Variants in AKNA observed in about 807,000 individuals in gnomAD.
The protein encoded by AKNA is microtubule organization protein AKNA.
In AKNA, 67 loss-of-function variants were observed where a neutral mutation model predicts 138.8. The ratio of observed to expected loss-of-function variants is 0.48; its 90% CI spans 0.40 to 0.59. The LOEUF (loss-of-function observed/expected upper bound fraction) is 0.59. Ranked by LOEUF, AKNA falls within the 20% of genes least tolerant of loss-of-function variation. AKNA has a pLI of 0.00. For missense variants in AKNA, 1,813 were observed against 1,880.4 expected, an observed-to-expected ratio of 0.96 and a Z score of 0.66; for synonymous variants, 737 against 754.4, an observed-to-expected ratio of 0.98 and a Z score of 0.38.
chr9:114,394,733 C>T (rs541194436), upstream of AKNA, among the ~76,000 whole-genome samples: 7 of 152,340 alleles, frequency 4.6e-5, no homozygotes, highest in South Asian at 1.2e-3. Context: ...CAAAGTCACA[C>T]AGCATGTTAA....
rs534785370 is a variant in AKNA at position 114,365,810 on chromosome 9, G to A, written c.1729-1191C>T. ...CCACAGCACGTCTCAATTCAGAGCA[G>A]CCCATGTCAAGTACTCAACAGTCAC... On this transcript the variant is annotated intron_variant, in intron 6 of 21. Coordinates refer to ENST00000374088, the MANE Select transcript of AKNA (RefSeq NM_001317950.2). Among the ~76,000 whole-genome samples, 20 of 152,328 alleles carry A rather than the reference G, an allele frequency of 1.3e-4. No individual in the cohort carries two copies. In the South Asian group the frequency reaches 4.1e-3, roughly 32 times the overall value.
In AKNA at chr9:114,362,377, C is replaced by G. The variant is rs779741260; in HGVS notation, c.1916+29G>C. 2.5e-6 allele frequency: 4 copies of G among 1,597,292 alleles called. No homozygotes were observed. In the Admixed American group the frequency reaches 6.8e-5, roughly 27 times the overall value. On this transcript the variant is annotated intron_variant, in intron 8 of 21. Transcript: ENST00000374088. ...GACCCCAGGGGCCCATCCCATCTGT[C>G]CTTCCAGGCCTTCCACCCCAGCAGG...
chr9:114,362,641 G>A (rs1436984369), intron 7 of AKNA, 108 bp from the exon 8 acceptor site: 6 of 1,383,280 alleles, frequency 4.3e-6, no homozygotes, highest in Admixed American at 2.7e-5. Flanking sequence ...GATGCACCTG[G>A]GCCCCTGGGT....
intron 1 of AKNA, among the ~76,000 whole-genome samples, chr9:114,387,210 CTG>C: frequency 6.6e-6 from 1 of 152,312 alleles, no homozygotes; most frequent in East Asian, 1.9e-4. Context: ...CACAGACTTG[CTG>C]TTCTCAAGGG....
chr9:114,341,167 A>T (rs1218905787), intron 21 of AKNA, among the ~76,000 whole-genome samples: 1 of 152,070 alleles, frequency 6.6e-6, no homozygotes, highest in Non-Finnish European at 1.5e-5. Flanking sequence ...AAAGTCTATT[A>T]AAAAAAACCC....
Position 114,341,647 on chromosome 9 carries a change from G to C in AKNA, c.3953C>G (p.Ser1318Trp), listed in dbSNP as rs946487891. ...CCACAGTCCGGGGGGTGGGCGTGGC[G>C]ACGACCCCGCCTGCTTGCTCCTCTG... Reference protein sequence around the residue: ...PKQRSKQAGSSPRPPPGLWYL... With the variant: ...PKQRSKQAGSWPRPPPGLWYL... The change falls in exon 21 of 22, where the codon TCG becomes TGG. Residue 1318 changes from serine to tryptophan, a missense_variant. Ser to Trp is a radical substitution (Grantham distance 177). Transcript: ENST00000374088. The C allele has an allele frequency of 6.8e-6, 11 of 1,610,014 alleles. No individual in the cohort carries two copies. Among genetic ancestry groups the C allele is most frequent in the Non-Finnish European group, 9.3e-6 (11 of 1,178,738 alleles).
At chr9:114,331,993 C>T (rs528998387), downstream of AKNA, 2 of 1,443,020 alleles carry the variant, frequency 1.4e-6, no homozygotes, top group South Asian at 1.2e-5. Context: ...GCCCCAGAGG[C>T]CCAGAGCAGG....
intron 21 of AKNA, among the ~76,000 whole-genome samples, chr9:114,340,363 C>T (rs1830260969): frequency 2.0e-5 from 3 of 152,234 alleles, no homozygotes; most frequent in Non-Finnish European, 4.4e-5. Context: ...AGGTTTCCTA[C>T]TTCTGGGGAC....
upstream of AKNA, among the ~76,000 whole-genome samples, chr9:114,388,741 G>C (rs1038540878): frequency 8.5e-5 from 13 of 152,208 alleles, no homozygotes; most frequent in African/African-American, 3.1e-4. Flanking sequence ...TGTGTGGCGG[G>C]TGCTTTTAAA....
rs75739279 is a variant in AKNA at position 114,376,566 on chromosome 9, G to T, written c.1241C>A (p.Ala414Glu). The part of the protein sequence containing the change: ...VQEVLLSSGE[A>E]ALAKDTPPAH... Reference sequence around the variant, plus strand: ...AGGAGGCGTGTCCTTTGCCAGGGCTGCTTCTCCACTGCTCAACAGCACCTC... The same window carrying T: ...AGGAGGCGTGTCCTTTGCCAGGGCTTCTTCTCCACTGCTCAACAGCACCTC... The change falls in exon 3 of 22, where the codon GCA (alanine) becomes GAA (glutamate). Residue 414 changes from alanine (A) to glutamate (E), a missense_variant. Ala to Glu is a moderately radical substitution (Grantham distance 107). Transcript: ENST00000374088. 9.4e-4 allele frequency: 1,512 copies of T among 1,614,136 alleles called. 20 individuals are homozygous for T. In the East Asian group the frequency reaches 0.031, roughly 33 times the overall value.
intron 1 of AKNA, among the ~76,000 whole-genome samples, chr9:114,381,659 T>TTA (rs1833687000): frequency 7.6e-6 from 1 of 131,988 alleles, no homozygotes; most frequent in Non-Finnish European, 1.6e-5. Context: ...TCCAGGGTTT[T>TTA]TTTTTTTTTT....
At chr9:114,366,743 G>A (rs1453577886) in intron 6 of AKNA, among the ~76,000 whole-genome samples, 3 of 151,750 alleles carry the variant, frequency 2.0e-5, no homozygotes, top group Non-Finnish European at 4.4e-5. Context: ...AGGGAGAGGA[G>A]AGGAGAGGAG....
In AKNA at chr9:114,356,108, C is replaced by G. The variant is rs200033899; in HGVS notation, c.2875G>C (p.Ala959Pro). The G allele has an allele frequency of 5.0e-6, 8 of 1,613,858 alleles. No individual in the cohort carries two copies. The highest frequency in any genetic ancestry group is 1.7e-6 in the Non-Finnish European group (2 of 1,179,968). ...GCTCCATCCCTGGGCACAGATGCAG[C>G]AAAGGGCTGGGCTAATGTTCCTGCT... The part of the protein sequence containing the change: ...STAGTLAQPF[A>P]ASVPRDGASY... Residue 959 changes from alanine (A) to proline (P), a missense_variant, in exon 14 of 22, where the codon GCT becomes CCT. Ala to Pro is a conservative substitution (Grantham distance 27). Coordinates refer to ENST00000374088, the MANE Select transcript of AKNA (RefSeq NM_001317950.2).
intron 3 of AKNA, among the ~76,000 whole-genome samples, chr9:114,374,748 C>G (rs977437634): frequency 6.6e-6 from 1 of 152,150 alleles, no homozygotes; most frequent in African/African-American, 2.4e-5. Context: ...AAGCATGTCA[C>G]CTTTGAAGGA....
chr9:114,354,730 A>T (rs1564628099), intron 14 of AKNA, among the ~76,000 whole-genome samples: 5 of 150,514 alleles, frequency 3.3e-5, no homozygotes, highest in Non-Finnish European at 7.4e-5. Context: ...AAAAAAAAAA[A>T]TAGTTAACAT....
At chr9:114,387,230 C>G (rs564304243) in intron 1 of AKNA, among the ~76,000 whole-genome samples, 6 of 152,316 alleles carry the variant, frequency 3.9e-5, no homozygotes, top group East Asian at 3.9e-4. Flanking sequence ...GGGGTTCCCA[C>G]CAGCTGTGTG....
At chr9:114,368,267 A>T (rs1185015901) in intron 5 of AKNA, 172 bp downstream of exon 5, 4 of 688,206 alleles carry the variant, frequency 5.8e-6, no homozygotes, top group Non-Finnish European at 8.2e-6. Context: ...TCAAAGCAGG[A>T]CACTTTCCAC....
chr9:114,384,186 A>G (rs113109613), intron 1 of AKNA, among the ~76,000 whole-genome samples: 1 of 152,200 alleles, frequency 6.6e-6, no homozygotes, highest in Non-Finnish European at 1.5e-5. Flanking sequence ...CACACAATCC[A>G]TCAGTAAAAA....
chr9:114,371,599 C>T lies in AKNA; in HGVS notation c.1416+2494G>A, dbSNP rs560367386. ...CACCAGCTGTGGGATGTTGAGCAAA[C>T]CATTCCACCTGGCTGTGCCTTGGTG... On this transcript the variant is annotated intron_variant, in intron 4 of 21. Coordinates refer to ENST00000374088, the MANE Select transcript of AKNA (RefSeq NM_001317950.2). 2.0e-5 allele frequency among the ~76,000 whole-genome samples: 3 copies of T among 152,342 alleles called. No individual in the cohort carries two copies. The South Asian group carries it at 6.2e-4, about 32-fold the overall frequency.
Sources: gnomAD v4.1 joint callset for allele counts (sites outside exome capture counted in the v4.1 genomes callset) on GRCh38, gnomAD v4.1.1 for gene constraint, MANE v1.5 for transcripts, NCBI Gene and HGNC (gene_info 2026-07-23, HGNC 2026-07-21) for gene names.